The following GAL3ST2 variants were observed in gnomAD, a reference collection of about 807,000 sequenced individuals.
GAL3ST2 encodes the protein beta-galactose-3-O-sulfotransferase 2.
Under a neutral mutation model 12.9 loss-of-function variants are expected in GAL3ST2, and 16 were observed. The ratio of observed to expected loss-of-function variants is 1.24; its 90% confidence interval spans 0.84 to 1.88. The LOEUF is 1.88. GAL3ST2 is among the 40% of genes most tolerant of loss of function. The pLI, the probability that GAL3ST2 is intolerant of heterozygous loss-of-function variation, is 0.00. For missense variants in GAL3ST2, 639 were observed against 571.8 expected, an observed-to-expected ratio of 1.12 and a Z score of -1.20; for synonymous variants, 302 against 273.9, an observed-to-expected ratio of 1.10 and a Z score of -1.01.
In GAL3ST2 at chr2:241,776,870, A is replaced by G. The variant is rs1212689872; in HGVS notation, c.-86A>G. 9 of 1,203,298 alleles carry G rather than the reference A, an allele frequency of 7.5e-6. No homozygotes were observed. The Admixed American group carries it at 1.4e-4, about 18-fold the overall frequency. 74.5% of individuals were successfully genotyped at this position (1,203,298 alleles called of 1,614,324 possible). On this transcript the variant is annotated 5_prime_UTR_variant, in exon 1 of 4. Coordinates refer to ENST00000192314, the MANE Select transcript of GAL3ST2 (RefSeq NM_022134.3). ...CCCTGCCTGTGCCTGCACCCTGGGG[A>G]GCCCAGAGCCGGCAGGGGCCGAGGC...
intron 1 of GAL3ST2, among the ~76,000 whole-genome samples, chr2:241,792,800 G>C (rs572695009): frequency 6.6e-5 from 10 of 152,274 alleles, no homozygotes; most frequent in Admixed American, 1.3e-4. Context: ...TAAGCTAAAG[G>C]GAGGAGTCTA....
intron 1 of GAL3ST2, among the ~76,000 whole-genome samples, chr2:241,786,629 T>G (rs961018494): frequency 6.6e-6 from 1 of 151,856 alleles, no homozygotes; most frequent in Non-Finnish European, 1.5e-5. Flanking sequence ...AATAGGGAGT[T>G]GTACAGCAAA....
chr2:241,803,273 G>C (rs1251941002), intron 3 of GAL3ST2, 72 bp from the exon 4 acceptor site: 2 of 1,279,776 alleles, frequency 1.6e-6, no homozygotes, highest in Non-Finnish European at 2.1e-6. Context: ...GCCAGGGCGC[G>C]CCTCCTCCCC....
chr2:241,799,019 G>A lies in GAL3ST2; in HGVS notation c.30-46G>A, dbSNP rs755469639. 22 of 1,507,938 alleles carry A rather than the reference G, an allele frequency of 1.5e-5. No individual in the cohort carries two copies. The South Asian group carries it at 2.4e-4, about 16-fold the overall frequency. The allele number at this position is 1,507,938 out of a possible 1,614,324, so 93.4% of individuals were successfully genotyped here. On this transcript the variant is annotated intron_variant, in intron 1 of 3. Transcript: ENST00000192314. ...CTGCAGGATGGGAGGTGGGGGTGGG[G>A]CTGGCACGACCCGGACTGGGCACTC...
Position 241,804,284 on chromosome 2 carries a change from C to T in GAL3ST2, c.*118C>T, listed in dbSNP as rs1168730422. 5.7e-6 allele frequency: 5 copies of T among 881,346 alleles called. No individual in the cohort carries two copies. Among genetic ancestry groups the T allele is most frequent in the Non-Finnish European group, 8.0e-6 (5 of 626,306 alleles). The allele number at this position is 881,346 out of a possible 1,614,324, so 54.6% of individuals were successfully genotyped here. ...GCGTTGGGAAACCCAGGCCCGCCGGCCACGGCTCTAAAATGAAGAGGGCGG... is the reference window on the plus strand; with the variant it reads ...GCGTTGGGAAACCCAGGCCCGCCGGTCACGGCTCTAAAATGAAGAGGGCGG... On this transcript the variant is annotated 3_prime_UTR_variant, in exon 4 of 4. Coordinates refer to ENST00000192314, the MANE Select transcript of GAL3ST2 (RefSeq NM_022134.3).
At chr2:241,779,373 ACAGGCGCCCGCCAC>A (rs1455509439) in intron 1 of GAL3ST2, among the ~76,000 whole-genome samples, 12 of 151,320 alleles carry the variant, frequency 7.9e-5, no homozygotes, top group East Asian at 2.0e-4. Flanking sequence ...AGCTGGGACT[ACAGGCGCCCGCCAC>A]CTCGCCCAGC....
intron 1 of GAL3ST2, among the ~76,000 whole-genome samples, chr2:241,798,833 C>T (rs1158979292): frequency 1.3e-5 from 2 of 152,200 alleles, no homozygotes; most frequent in Admixed American, 1.3e-4. Flanking sequence ...AGGCTCTTTC[C>T]GGCCCTAAGC....
Position 241,802,883 on chromosome 2 carries a change from TCA to T in GAL3ST2, c.376-461_376-460del, listed in dbSNP as rs1403554793. ...CTGGGTCACGGACCTTCTCTGGGCC[TCA>T]GTTTCTTTGTCTGTTAGGTGGGTGT... is the stretch of plus-strand genomic sequence containing the variant. On this transcript the variant is annotated intron_variant, in intron 3 of 3. Transcript: ENST00000192314. This position sits in a 1 kb window ranked among gnomAD's most constrained non-coding sequence, Gnocchi z 4.8. 6.6e-6 allele frequency among the ~76,000 whole-genome samples: 1 copy of T among 152,110 alleles called. No individual in the cohort carries two copies. The highest frequency in any genetic ancestry group is 1.5e-5 in the Non-Finnish European group (1 of 68,004).
rs558245741 is a variant in GAL3ST2, at chr2:241,795,133, G to A, written c.30-3932G>A. On this transcript the variant is annotated intron_variant, in intron 1 of 3. Transcript: ENST00000192314. This position sits in a 1 kb window ranked among gnomAD's most constrained non-coding sequence, Gnocchi z 4.5. ...ACACATCACCCATTTACTGCCCCAC[G>A]GTGCTCTGGGTCGGTCACGGGCACC... Among the ~76,000 whole-genome samples the A allele has an allele frequency of 2.0e-5, 3 of 152,012 alleles. No individual in the cohort carries two copies. Among genetic ancestry groups the A allele is most frequent in the East Asian group, 2.0e-4 (1 of 5,122 alleles).
rs764892838 is a variant in GAL3ST2, at chr2:241,803,365, C to A, written c.396C>A (p.Asn132Lys). Reference sequence around the variant, plus strand: ...CACAGGTGCAGAAAGTCATGCCCAACGACACCTTCTACTTCTCCATCCTGA... The same window carrying A: ...CACAGGTGCAGAAAGTCATGCCCAAAGACACCTTCTACTTCTCCATCCTGA... Reference protein sequence around the residue: ...NLPQVQKVMPNDTFYFSILRN... With the variant: ...NLPQVQKVMPKDTFYFSILRN... Residue 132 changes from asparagine (N) to lysine (K), a missense_variant, in exon 4 of 4, where the codon AAC becomes AAA. Asn to Lys is a moderately conservative substitution (Grantham distance 94). Coordinates refer to ENST00000192314, the MANE Select transcript of GAL3ST2 (RefSeq NM_022134.3). 1.2e-6 allele frequency: 2 copies of A among 1,602,842 alleles called. No individual in the cohort carries two copies. Among genetic ancestry groups the A allele is most frequent in the Non-Finnish European group, 8.5e-7 (1 of 1,171,942 alleles).
chr2:241,796,191 G>T (rs1198763065), intron 1 of GAL3ST2, among the ~76,000 whole-genome samples: 4 of 152,216 alleles, frequency 2.6e-5, no homozygotes, highest in African/African-American at 9.7e-5. Context: ...GGGGGTTCCG[G>T]TGTGGACTCA....
intron 1 of GAL3ST2, among the ~76,000 whole-genome samples, chr2:241,782,610 A>G (rs1699578461): frequency 6.6e-6 from 1 of 152,042 alleles, no homozygotes; most frequent in Admixed American, 6.5e-5. Context: ...ACAGGTGTGT[A>G]CCACCATGCC....
intron 1 of GAL3ST2, among the ~76,000 whole-genome samples, chr2:241,798,123 C>T (rs142346859): frequency 0.012 from 1,801 of 152,286 alleles, 37 homozygotes; most frequent in African/African-American, 0.041. Context: ...CCTGGCTCCC[C>T]GCCCGACTCC....
intron 2 of GAL3ST2, among the ~76,000 whole-genome samples, chr2:241,799,613 C>A (rs1699818286): frequency 6.6e-6 from 1 of 152,220 alleles, no homozygotes; most frequent in Non-Finnish European, 1.5e-5. Context: ...GAGGTGCCCA[C>A]CTGTGCTCAC....
chr2:241,800,832 A>G lies in GAL3ST2; in HGVS notation c.120-949A>G, dbSNP rs1184532513. Reference sequence around the variant, plus strand: ...AACTCCCGTGGCAGGTAGAACATAAATAAGTGCAGCGTGTGTGACTTCGCC... The same window carrying G: ...AACTCCCGTGGCAGGTAGAACATAAGTAAGTGCAGCGTGTGTGACTTCGCC... On this transcript the variant is annotated intron_variant, in intron 2 of 3. Coordinates refer to ENST00000192314, the MANE Select transcript of GAL3ST2 (RefSeq NM_022134.3). This position sits in a 1 kb window ranked among gnomAD's most constrained non-coding sequence, Gnocchi z 5.2. 4 of 152,190 alleles carry G rather than the reference A, an allele frequency of 2.6e-5. No individual in the cohort carries two copies. The highest frequency in any genetic ancestry group is 6.5e-5 in the Admixed American group (1 of 15,278). 9.4% of individuals were successfully genotyped at this position (152,190 alleles called of 1,614,324 possible).
At chr2:241,791,272 G>T (rs1469101797) in intron 1 of GAL3ST2, among the ~76,000 whole-genome samples, 1 of 152,184 alleles carries the variant, frequency 6.6e-6, no homozygotes, top group Non-Finnish European at 1.5e-5. Flanking sequence ...GAAACTATTT[G>T]TGAGTATTTT....
rs528656311 is a variant in GAL3ST2 at position 241,798,800 on chromosome 2, G to A, written c.30-265G>A. 1.8e-3 allele frequency among the ~76,000 whole-genome samples: 277 copies of A among 152,312 alleles called. 1 individual carries two copies. The highest frequency in any genetic ancestry group is 6.4e-3 in the African/African-American group (264 of 41,566). On this transcript the variant is annotated intron_variant, in intron 1 of 3. Transcript: ENST00000192314. ...CGGCCCTGTCAGCTCCCGAACCCCA[G>A]GGAAAGGGATGGCTCATCCACTAGG...
chr2:241,803,643 T>C lies in GAL3ST2; in HGVS notation c.674T>C (p.Leu225Pro), dbSNP rs1294822435. The change falls in exon 4 of 4, where the codon CTC becomes CCC. Residue 225 changes from leucine to proline, a missense_variant. Coordinates refer to ENST00000192314, the MANE Select transcript of GAL3ST2 (RefSeq NM_022134.3). Reference protein sequence around the residue: ...AEVERRFRLVLIAEHLDESLV... With the variant: ...AEVERRFRLVPIAEHLDESLV... Reference sequence around the variant, plus strand: ...GTGGAGCGGCGCTTCCGGCTGGTGCTCATCGCCGAGCACCTGGACGAGTCC... The same window carrying C: ...GTGGAGCGGCGCTTCCGGCTGGTGCCCATCGCCGAGCACCTGGACGAGTCC... 6.4e-7 allele frequency: 1 copy of C among 1,551,438 alleles called. No individual in the cohort carries two copies. Among genetic ancestry groups the C allele is most frequent in the Non-Finnish European group, 8.7e-7 (1 of 1,147,174 alleles).
intron 1 of GAL3ST2, among the ~76,000 whole-genome samples, chr2:241,787,854 C>G (rs948905973): frequency 2.0e-5 from 3 of 151,826 alleles, no homozygotes; most frequent in Non-Finnish European, 4.4e-5. Flanking sequence ...TCTTGTCTTT[C>G]TCTAATTGGA....
Sources: gnomAD v4.1 joint callset for allele counts (sites outside exome capture counted in the v4.1 genomes callset) on GRCh38, gnomAD v4.1.1 for gene constraint, Gnocchi (gnomAD v3.1) non-coding constraint, MANE v1.5 for transcripts, NCBI Gene and HGNC (gene_info 2026-07-23, HGNC 2026-07-21) for gene names.